MAGI2: variants seen among roughly 807,000 people sequenced by gnomAD.
MAGI2 encodes the protein membrane-associated guanylate kinase, WW and PDZ domain-containing protein 2.
MAGI2 carries 35 observed loss-of-function variants against 133.3 expected under a neutral mutation model. That is an observed-to-expected ratio of 0.26 (90% CI 0.20 to 0.35). The LOEUF (loss-of-function observed/expected upper bound fraction) is 0.35. Ranked by LOEUF, MAGI2 falls within the 10% of genes least tolerant of loss-of-function variation. The pLI is 1.00. For missense variants in MAGI2, 1,636 were observed against 1,863.4 expected (o/e 0.88, Z 2.25); for synonymous variants, 729 against 710.6 (o/e 1.03, Z -0.41).
At chr7:78,876,427 AT>A in intron 2 of MAGI2, among the ~76,000 whole-genome samples, 1 of 152,254 alleles carries the variant, frequency 6.6e-6, no homozygotes, top group South Asian at 2.1e-4. Flanking sequence ...CAAAATAATC[AT>A]TTGAGAAATA....
intron 6 of MAGI2, among the ~76,000 whole-genome samples, chr7:78,376,538 A>T (rs553626804): frequency 6.6e-6 from 1 of 152,262 alleles, no homozygotes; most frequent in African/African-American, 2.4e-5. Flanking sequence ...ACTGACCATG[A>T]TTTTATGGGC....
At chr7:79,384,116 G>GATTA (rs3050625) in intron 1 of MAGI2, among the ~76,000 whole-genome samples, 75,526 of 150,476 alleles carry the variant, frequency 0.5, 20,420 homozygotes, top group African/African-American at 0.71. Flanking sequence ...TATATATGAA[G>GATTA]ATTACAGATA....
intron 2 of MAGI2, among the ~76,000 whole-genome samples, chr7:78,683,407 C>T (rs1021843729): frequency 6.6e-6 from 1 of 152,072 alleles, no homozygotes; most frequent in African/African-American, 2.4e-5. Context: ...ATGTCAAGGG[C>T]AGAGTATGAA....
At chr7:79,319,635 T>C (rs968764218) in intron 1 of MAGI2, among the ~76,000 whole-genome samples, 1 of 152,182 alleles carries the variant, frequency 6.6e-6, no homozygotes, top group African/African-American at 2.4e-5. Context: ...GCAGAAAATA[T>C]GAGCCATGAT....
At chr7:78,506,692 G>A (rs144148314) in intron 4 of MAGI2, among the ~76,000 whole-genome samples, 1 of 152,352 alleles carries the variant, frequency 6.6e-6, no homozygotes, top group East Asian at 1.9e-4. Flanking sequence ...CATAAAATCT[G>A]TAGAACCGAA....
intron 4 of MAGI2, among the ~76,000 whole-genome samples, chr7:78,508,972 C>T (rs1296661466): frequency 6.6e-6 from 1 of 151,314 alleles, no homozygotes; most frequent in Non-Finnish European, 1.5e-5. Context: ...ACCTCTGACT[C>T]CCAGGTTCAA....
chr7:78,083,393 A>G (rs867367256), intron 20 of MAGI2, among the ~76,000 whole-genome samples: 33 of 25,626 alleles, frequency 1.3e-3, no homozygotes, highest in African/African-American at 2.5e-3. Context: ...GGGGGGAGAG[A>G]GAGAGAGAGA....
intron 1 of MAGI2, among the ~76,000 whole-genome samples, chr7:79,383,635 C>G (rs1390607754): frequency 6.6e-6 from 1 of 151,358 alleles, no homozygotes; most frequent in African/African-American, 2.4e-5. Context: ...ATATTAGAAT[C>G]ATATTTATGT....
At chr7:79,022,711 T>C (rs1332154646) in intron 1 of MAGI2, among the ~76,000 whole-genome samples, 1 of 136,602 alleles carries the variant, frequency 7.3e-6, no homozygotes, top group Non-Finnish European at 1.6e-5. Flanking sequence ...CACACAGAAA[T>C]ACAAACCCCT....
At chr7:79,277,188 C>T (rs1472930026) in intron 1 of MAGI2, among the ~76,000 whole-genome samples, 1 of 152,074 alleles carries the variant, frequency 6.6e-6, no homozygotes, top group East Asian at 1.9e-4. Flanking sequence ...GCCATCCCAA[C>T]CTTCAGCAAC....
intron 6 of MAGI2, among the ~76,000 whole-genome samples, chr7:78,482,655 T>A (rs1018706711): frequency 6.6e-6 from 1 of 151,822 alleles, no homozygotes; most frequent in Non-Finnish European, 1.5e-5. Context: ...ATCTCAAAAG[T>A]TTACACACAT....
chr7:78,135,352 A>T, intron 16 of MAGI2, 146 bp from the exon 17 acceptor site: 1 of 709,654 alleles, frequency 1.4e-6, no homozygotes, highest in Non-Finnish European at 2.3e-6. Flanking sequence ...TTTCTATCAA[A>T]TGGGGTCCTG....
At chr7:78,431,531 G>C (rs1799795698) in intron 6 of MAGI2, among the ~76,000 whole-genome samples, 1 of 152,042 alleles carries the variant, frequency 6.6e-6, no homozygotes, top group Non-Finnish European at 1.5e-5. Flanking sequence ...TATTTAATCA[G>C]AAGCTTATTC....
At chr7:79,389,886 AC>A (rs1844471799) in intron 1 of MAGI2, among the ~76,000 whole-genome samples, 1 of 152,068 alleles carries the variant, frequency 6.6e-6, no homozygotes, top group South Asian at 2.1e-4. Flanking sequence ...TTGACAAGGG[AC>A]CTAGGGGAGA....
chr7:79,395,369 A>C (rs985638601), intron 1 of MAGI2, among the ~76,000 whole-genome samples: 16 of 152,168 alleles, frequency 1.1e-4, no homozygotes, highest in Admixed American at 2.0e-4. Flanking sequence ...ATGAAACTGC[A>C]GAATGTTGGT....
At chr7:78,590,413 C>T (rs1803878182) in intron 3 of MAGI2, among the ~76,000 whole-genome samples, 1 of 152,156 alleles carries the variant, frequency 6.6e-6, no homozygotes, top group Non-Finnish European at 1.5e-5. Flanking sequence ...TTACAAATTC[C>T]ACAGCTTTGT....
intron 21 of MAGI2, among the ~76,000 whole-genome samples, chr7:78,041,044 C>T (rs1810782426): frequency 1.3e-5 from 2 of 152,232 alleles, no homozygotes; most frequent in South Asian, 4.2e-4. Context: ...AACTCAGGCT[C>T]CTTTAGTACC....
intron 4 of MAGI2, 33 bp from the exon 5 acceptor site, chr7:78,501,820 T>C: frequency 2.0e-6 from 3 of 1,535,386 alleles, no homozygotes; most frequent in Non-Finnish European, 2.7e-6. Context: ...GGTTAGTCAC[T>C]CCAACCATGG....
chr7:79,309,352 C>T (rs1253347325), intron 1 of MAGI2, among the ~76,000 whole-genome samples: 3 of 150,920 alleles, frequency 2.0e-5, no homozygotes, highest in Admixed American at 1.3e-4. Context: ...TCTGTTTTGG[C>T]TACACTTTCC....
Sources: allele counts gnomAD v4.1 joint callset (sites outside exome capture counted in the v4.1 genomes callset), GRCh38; gene constraint gnomAD v4.1.1; transcripts MANE v1.5; gene names NCBI Gene and HGNC (gene_info 2026-07-23, HGNC 2026-07-21).